MOSMO: variants seen among roughly 807,000 people sequenced by gnomAD.
The protein encoded by MOSMO is modulator of smoothened.
In MOSMO, 5 loss-of-function variants were observed where a neutral mutation model predicts 18.4. The ratio of observed to expected loss-of-function variants is 0.27; its 90% CI spans 0.14 to 0.57. MOSMO has a LOEUF of 0.57. Ranked by LOEUF, MOSMO falls within the 20% of genes least tolerant of loss-of-function variation. The pLI is 0.92. For synonymous variants in MOSMO, 82 were observed against 82.3 expected, an observed-to-expected ratio of 1.00 and a Z score of 0.02; for missense variants, 138 against 211.8, an observed-to-expected ratio of 0.65 and a Z score of 2.16.
downstream of MOSMO, among the ~76,000 whole-genome samples, chr16:22,090,512 G>A (rs1359009257): frequency 6.6e-6 from 1 of 152,150 alleles, no homozygotes; most frequent in African/African-American, 2.4e-5. Context: ...TTTTACAAAA[G>A]ACAGAAAAAA....
intron 1 of MOSMO, among the ~76,000 whole-genome samples, chr16:22,047,238 A>ATTTT (rs770005970): frequency 1.9e-4 from 21 of 110,828 alleles, no homozygotes; most frequent in Non-Finnish European, 3.2e-4. Flanking sequence ...ATGCACCATA[A>ATTTT]TTTTTTTTTT....
At chr16:22,029,031 C>G (rs1250444038) in intron 1 of MOSMO, among the ~76,000 whole-genome samples, 1 of 151,996 alleles carries the variant, frequency 6.6e-6, no homozygotes, top group Admixed American at 6.6e-5. Context: ...GCCACCATGC[C>G]CGGCTAATTT....
At chr16:22,034,546 G>A (rs1279799976) in intron 1 of MOSMO, among the ~76,000 whole-genome samples, 1 of 151,970 alleles carries the variant, frequency 6.6e-6, no homozygotes, top group Admixed American at 6.6e-5. Context: ...CCTTGCTCGT[G>A]TGATTCCTGA....
In MOSMO at chr16:22,009,804, C is replaced by CAAAA. The variant is rs56313303; in HGVS notation, c.106+1427_106+1430dup. 3.5e-3 allele frequency among the ~76,000 whole-genome samples: 127 copies of CAAAA among 35,972 alleles called. 2 individuals are homozygous for CAAAA. The highest frequency in any genetic ancestry group is 5.7e-3 in the African/African-American group (44 of 7,786). The allele number at this position is 35,972 out of a possible 152,430, so 23.6% of individuals were successfully genotyped here. A position where few individuals can be genotyped will look rare whatever the true frequency, so the allele number is the denominator to read the frequency against. On this transcript the variant is annotated intron_variant, in intron 1 of 2. Transcript: ENST00000542527. ...CGAAACCCCGTCTCTACTAAAAATA[C>CAAAA]AAAAAAAAAAAAAAAAAAAAAAAAA...
At chr16:22,088,814 T>C (rs1901236958), downstream of MOSMO, among the ~76,000 whole-genome samples, 5 of 152,176 alleles carry the variant, frequency 3.3e-5, no homozygotes, top group South Asian at 1.0e-3. Context: ...ACTTCAGATC[T>C]AGGACTCCTG....
chr16:22,033,975 A>T (rs1900050339), intron 1 of MOSMO, among the ~76,000 whole-genome samples: 1 of 152,232 alleles, frequency 6.6e-6, no homozygotes, highest in Non-Finnish European at 1.5e-5. Context: ...AACTGGTTTT[A>T]TAGGTACTCC....
At chr16:22,054,493 ATACTC>A (rs1411207300) in intron 1 of MOSMO, among the ~76,000 whole-genome samples, 1 of 152,116 alleles carries the variant, frequency 6.6e-6, no homozygotes, top group Non-Finnish European at 1.5e-5. Context: ...AATATCAGTG[ATACTC>A]TACTCTTAGC....
chr16:22,091,406 C>T (rs1169442845), downstream of MOSMO, among the ~76,000 whole-genome samples: 1 of 152,122 alleles, frequency 6.6e-6, no homozygotes, highest in Non-Finnish European at 1.5e-5. Flanking sequence ...ATTTTTGAGA[C>T]AGGGTCTTGC....
At position 22,070,209 on chromosome 16, in the gene MOSMO, C is replaced by T. The variant is rs531841181; in HGVS notation, c.107-5278C>T. On this transcript the variant is annotated intron_variant, in intron 1 of 2. Transcript: ENST00000542527. ...AGCCTCAGCAAAGAACAGTGAAGCA[C>T]GGAATTAGTGAGACCTAATTAGTTT... Among the ~76,000 whole-genome samples the T allele has an allele frequency of 3.9e-5, 6 of 152,202 alleles. No homozygotes were observed. In the East Asian group the frequency reaches 9.6e-4, roughly 24 times the overall value.
chr16:22,037,309 G>A (rs1900127945), intron 1 of MOSMO, among the ~76,000 whole-genome samples: 1 of 152,112 alleles, frequency 6.6e-6, no homozygotes, highest in South Asian at 2.1e-4. Flanking sequence ...TACTATAGAA[G>A]CCACGGGAAA....
chr16:22,063,054 AT>A (rs920212561), intron 1 of MOSMO, among the ~76,000 whole-genome samples: 2 of 152,044 alleles, frequency 1.3e-5, no homozygotes, highest in African/African-American at 4.8e-5. Context: ...GGGTTTCACC[AT>A]GTTGGCCAGG....
downstream of MOSMO, chr16:22,085,214 G>A (rs1456670408): frequency 6.6e-6 from 1 of 152,236 alleles, no homozygotes; most frequent in Non-Finnish European, 1.5e-5. Flanking sequence ...ACAGTTTGCT[G>A]CTGATTCTTC....
At chr16:22,042,724 G>A (rs1016204630) in intron 1 of MOSMO, among the ~76,000 whole-genome samples, 7 of 152,188 alleles carry the variant, frequency 4.6e-5, no homozygotes, top group Non-Finnish European at 2.9e-5. Context: ...CTGGGTTAGG[G>A]CAAAGGAAAC....
intron 1 of MOSMO, among the ~76,000 whole-genome samples, chr16:22,036,017 G>A (rs1182653735): frequency 2.0e-5 from 3 of 152,148 alleles, no homozygotes; most frequent in Non-Finnish European, 2.9e-5. Context: ...TTCTAATAAT[G>A]TTTTAAAGAA....
At chr16:22,038,027 C>T (rs1003153770) in intron 1 of MOSMO, among the ~76,000 whole-genome samples, 1 of 152,212 alleles carries the variant, frequency 6.6e-6, no homozygotes, top group South Asian at 2.1e-4. Context: ...ATGCCTTGAT[C>T]TTTCCCATGA....
At chr16:22,088,746 T>C (rs1814382120), downstream of MOSMO, among the ~76,000 whole-genome samples, 1 of 152,198 alleles carries the variant, frequency 6.6e-6, no homozygotes, top group South Asian at 2.1e-4. Context: ...CTGAACACCT[T>C]ACTCCAGGTT....
At chr16:22,015,402 A>G (rs1322071539) in intron 1 of MOSMO, among the ~76,000 whole-genome samples, 1 of 152,116 alleles carries the variant, frequency 6.6e-6, no homozygotes. Flanking sequence ...TTTATTGCCA[A>G]GTATTCCATT....
At position 22,083,559 on chromosome 16, in the gene MOSMO, G is replaced by A. The variant is rs1384146077; in HGVS notation, c.*2679G>A. 2.4e-6 allele frequency: 1 copy of A among 412,574 alleles called. No individual in the cohort carries two copies. The highest frequency in any genetic ancestry group is 4.6e-6 in the Non-Finnish European group (1 of 216,372). The allele number at this position is 412,574 out of a possible 1,614,324, so 25.6% of individuals were successfully genotyped here. ...CTTTTAAAAAAGGTCACTATAATAAGTACTATATAGTACAGTATTAATTTA... is the reference window on the plus strand; with the variant it reads ...CTTTTAAAAAAGGTCACTATAATAAATACTATATAGTACAGTATTAATTTA... On this transcript the variant is annotated 3_prime_UTR_variant, in exon 3 of 3. Transcript: ENST00000542527.
intron 1 of MOSMO, among the ~76,000 whole-genome samples, chr16:22,058,570 T>C (rs1035464893): frequency 3.3e-5 from 5 of 152,060 alleles, no homozygotes; most frequent in Non-Finnish European, 5.9e-5. Context: ...GGATAGACTT[T>C]TGTTTAGGAG....
Sources: allele counts gnomAD v4.1 joint callset (sites outside exome capture counted in the v4.1 genomes callset), GRCh38; gene constraint gnomAD v4.1.1; transcripts MANE v1.5; gene names NCBI Gene and HGNC (gene_info 2026-07-23, HGNC 2026-07-21).